Variants in NCOR1 observed in about 807,000 individuals in gnomAD.
NCOR1 encodes the protein nuclear receptor corepressor 1, also known as protein phosphatase 1, regulatory subunit 109.
Under a neutral mutation model 288.1 loss-of-function variants are expected in NCOR1, and 63 were observed. That is an observed-to-expected ratio of 0.22 (90% CI 0.18 to 0.27). The LOEUF is 0.27. Ranked by LOEUF, NCOR1 falls within the 10% of genes least tolerant of loss-of-function variation. NCOR1 has a pLI of 1.00. For synonymous variants in NCOR1, 1,007 were observed against 1,065.9 expected, an observed-to-expected ratio of 0.94 and a Z score of 1.08; for missense variants, 2,397 against 3,019.2, an observed-to-expected ratio of 0.79 and a Z score of 4.83.
rs775968256 is a variant in NCOR1, at chr17:16,080,645, G to T, written c.3260C>A (p.Ser1087Tyr). The T allele has an allele frequency of 1.9e-6, 3 of 1,614,094 alleles. No homozygotes were observed. Among genetic ancestry groups the T allele is most frequent in the African/African-American group, 1.3e-5 (1 of 75,032 alleles). Residue 1087 changes from serine (S) to tyrosine (Y), a missense_variant, in exon 24 of 46, where the codon TCT becomes TAT. Coordinates refer to ENST00000268712, the MANE Select transcript of NCOR1 (RefSeq NM_006311.4). ...TTCCTGTTGCCGTGGCAGTCCAAGAGAGATAGATCCCACTGACGGCTTGGG... is the reference window on the plus strand; with the variant it reads ...TTCCTGTTGCCGTGGCAGTCCAAGATAGATAGATCCCACTGACGGCTTGGG... ...ETPKPSVGSISLGLPRQQESA... is the reference protein window; with the variant it reads ...ETPKPSVGSIYLGLPRQQESA...
intron 3 of NCOR1, among the ~76,000 whole-genome samples, chr17:16,175,650 G>C (rs1416912520): frequency 6.6e-6 from 1 of 151,844 alleles, no homozygotes; most frequent in African/African-American, 2.4e-5. Flanking sequence ...CACTTTAGGG[G>C]GCCAAGGCAG....
At chr17:16,060,702 A>G (rs1036831047) in intron 37 of NCOR1, among the ~76,000 whole-genome samples, 1 of 152,202 alleles carries the variant, frequency 6.6e-6, no homozygotes, top group Non-Finnish European at 1.5e-5. Flanking sequence ...TACTGAATTT[A>G]TTCAATGGAG....
At chr17:16,075,242 G>A (rs2062290921) in intron 27 of NCOR1, among the ~76,000 whole-genome samples, 1 of 152,164 alleles carries the variant, frequency 6.6e-6, no homozygotes, top group African/African-American at 2.4e-5. Context: ...TTCCATTAAA[G>A]TTCAACAAAG....
In NCOR1 at chr17:16,208,206, ATTTTTTTTTT is replaced by A. The variant is rs757019446; in HGVS notation, c.-71+7146_-71+7155del. ...CAGGCGCGTGCCACCATGCCCAGCT[ATTTTTTTTTT>A]TTTTTTTTTTTTTTTGTATTTTTAG... is the stretch of plus-strand genomic sequence containing the variant. On this transcript the variant is annotated intron_variant, in intron 1 of 45. Transcript: ENST00000268712. 1.7e-4 allele frequency among the ~76,000 whole-genome samples: 11 copies of A among 65,530 alleles called. No individual in the cohort carries two copies. The South Asian group carries it at 1.8e-3, about 11-fold the overall frequency. 43.0% of individuals were successfully genotyped at this position (65,530 alleles called of 152,430 possible). A position where few individuals can be genotyped will look rare whatever the true frequency, so the allele number is the denominator to read the frequency against.
chr17:16,145,015 T>C (rs2077674120), intron 10 of NCOR1, among the ~76,000 whole-genome samples: 1 of 152,218 alleles, frequency 6.6e-6, no homozygotes. Context: ...CCCTGCCTGA[T>C]TCTCCTGCCT....
At position 16,137,380 on chromosome 17, in the gene NCOR1, T is replaced by A. The variant is rs759488777; in HGVS notation, c.1440A>T (p.Leu480Phe). The A allele has an allele frequency of 3.8e-6, 6 of 1,587,424 alleles. No homozygotes were observed. Among genetic ancestry groups the A allele is most frequent in the Non-Finnish European group, 3.4e-6 (4 of 1,163,180 alleles). Reference sequence around the variant, plus strand: ...CTTTATAATTCTCATTTTTCTTGGTTAAATAGTAATACAAAACACAATCAG... The same window carrying A: ...CTTTATAATTCTCATTTTTCTTGGTAAAATAGTAATACAAAACACAATCAG... ...SVPDCVLYYY[L>F]TKKNENYKAL... The change falls in exon 14 of 46, where the codon TTA becomes TTT. Residue 480 changes from leucine to phenylalanine, a missense_variant. Physicochemically the swap from Leu to Phe is conservative, Grantham distance 22 (BLOSUM62 0). Around this residue, in one of 11 missense-constraint regions of NCOR1, gnomAD observed 80 missense variants for 100.3 expected, o/e 0.80. Transcript: ENST00000268712.
At position 16,126,129 on chromosome 17, in the gene NCOR1, T is replaced by C. The variant is rs945460878; in HGVS notation, c.1587A>G (p.Glu529=). The C allele has an allele frequency of 2.0e-6, 3 of 1,536,752 alleles. No individual in the cohort carries two copies. Among genetic ancestry groups the C allele is most frequent in the Non-Finnish European group, 2.7e-6 (3 of 1,129,842 alleles). Residue 529 remains glutamate (E), a synonymous_variant, in exon 15 of 46, where the codon GAA becomes GAG. Transcript: ENST00000268712. ...EDKAEKTEKK[E]EEKKDEEEKD... ...TTTCCTCTTCATCTTTCTTTTCTTC[T>C]TCTTTTTTTTCTGTTTTTTCTGCTT...
chr17:16,121,425 G>A (rs181431256), intron 15 of NCOR1, among the ~76,000 whole-genome samples, 156 bp from the exon 16 acceptor site: 2 of 151,276 alleles, frequency 1.3e-5, no homozygotes, highest in East Asian at 3.8e-4. Flanking sequence ...CCATACCATA[G>A]TTTTTAAAAG....
chr17:16,185,954 AAAAC>A (rs1465725919), intron 3 of NCOR1, among the ~76,000 whole-genome samples: 4 of 152,144 alleles, frequency 2.6e-5, no homozygotes, highest in Non-Finnish European at 1.5e-5. Context: ...AAAACAAGAA[AAAAC>A]AAACAAAACT....
intron 3 of NCOR1, among the ~76,000 whole-genome samples, chr17:16,185,840 G>C (rs2086571795): frequency 6.6e-6 from 1 of 151,758 alleles, no homozygotes; most frequent in Non-Finnish European, 1.5e-5. Flanking sequence ...GGGAGACTAA[G>C]GTGGGAGAAT....
chr17:16,165,732 T>A (rs953913485), intron 4 of NCOR1, among the ~76,000 whole-genome samples: 2 of 152,162 alleles, frequency 1.3e-5, no homozygotes, highest in African/African-American at 4.8e-5. Flanking sequence ...ACAGCATACA[T>A]AACATTTCCT....
intron 22 of NCOR1, among the ~76,000 whole-genome samples, 189 bp from the exon 23 acceptor site, chr17:16,086,631 T>C (rs1055566944): frequency 6.6e-6 from 1 of 152,212 alleles, no homozygotes; most frequent in African/African-American, 2.4e-5. Flanking sequence ...CAAATACTAT[T>C]TGTGGGGTTG....
intron 4 of NCOR1, among the ~76,000 whole-genome samples, chr17:16,167,914 A>G (rs532687172): frequency 1.6e-4 from 25 of 151,770 alleles, no homozygotes; most frequent in Middle Eastern, 6.8e-3. Flanking sequence ...CTGCTTATCA[A>G]AACAGTAATA....
At chr17:16,131,194 GTTTT>G (rs909272195) in intron 14 of NCOR1, among the ~76,000 whole-genome samples, 3 of 150,156 alleles carry the variant, frequency 2.0e-5, no homozygotes, top group African/African-American at 7.4e-5. Flanking sequence ...AAATTTTTCA[GTTTT>G]TTAACTTTTT....
chr17:16,160,787 A>T (rs2080689629), intron 5 of NCOR1, among the ~76,000 whole-genome samples: 1 of 152,122 alleles, frequency 6.6e-6, no homozygotes, highest in Non-Finnish European at 1.5e-5. Flanking sequence ...GGGAGACTCC[A>T]TCTCAAAAAA....
chr17:16,118,929 G>A (rs1371109161), intron 17 of NCOR1, among the ~76,000 whole-genome samples: 1 of 152,168 alleles, frequency 6.6e-6, no homozygotes, highest in African/African-American at 2.4e-5. Flanking sequence ...AACCTTCGCT[G>A]GCCTGGTTAC....
intron 18 of NCOR1, among the ~76,000 whole-genome samples, chr17:16,113,318 C>G (rs1354096877): frequency 6.6e-6 from 1 of 151,526 alleles, no homozygotes; most frequent in Non-Finnish European, 1.5e-5. Flanking sequence ...TCTTCCATGT[C>G]TGATCTAACA....
At chr17:16,164,747 C>A (rs549141508) in intron 5 of NCOR1, 4 of 302,728 alleles carry the variant, frequency 1.3e-5, no homozygotes, top group South Asian at 1.1e-4. Flanking sequence ...AAAAAAAAAT[C>A]AAAAATAGAA....
At position 16,117,870 on chromosome 17, in the gene NCOR1, C is replaced by T; in HGVS notation, c.2055+18G>A. On this transcript the variant is annotated intron_variant, in intron 18 of 45. Coordinates refer to ENST00000268712, the MANE Select transcript of NCOR1 (RefSeq NM_006311.4). ...GTAAAAAACAGTAAGTAAAGAGTCA[C>T]CACCCCAATATACTCACTTTCTGTT... 1 of 1,608,064 alleles carries T rather than the reference C, an allele frequency of 6.2e-7. No homozygotes were observed. Among genetic ancestry groups the T allele is most frequent in the South Asian group, 1.1e-5 (1 of 89,904 alleles).
Sources: gnomAD v4.1 joint callset for allele counts (sites outside exome capture counted in the v4.1 genomes callset) on GRCh38, gnomAD v4.1.1 for gene constraint, gnomAD v4.1.1 regional missense constraint, MANE v1.5 for transcripts, NCBI Gene and HGNC (gene_info 2026-07-23, HGNC 2026-07-21) for gene names.